The following SLC24A2 variants were observed in gnomAD, a reference collection of about 807,000 sequenced individuals.
SLC24A2 encodes sodium/potassium/calcium exchanger 2.
In SLC24A2, 36 loss-of-function variants were observed where a neutral mutation model predicts 62.0. That is an observed-to-expected ratio of 0.58 (90% CI 0.44 to 0.77). The LOEUF is 0.77. SLC24A2 is among the 30% of genes least tolerant of loss of function. The probability of loss-of-function intolerance (pLI) is 0.00; values close to 1 mark genes in which losing one functional copy is unlikely to be tolerated. For synonymous variants in SLC24A2, 358 were observed against 294.0 expected (o/e 1.22, Z -2.23); for missense variants, 846 against 817.9 (o/e 1.03, Z -0.42).
intron 8 of SLC24A2, among the ~76,000 whole-genome samples, chr9:19,536,619 G>C (rs1434017291): frequency 1.5e-5 from 1 of 68,618 alleles, no homozygotes; most frequent in Admixed American, 1.8e-4. Context: ...CATTTGGGTT[G>C]GTTCCAAGTC....
At chr9:20,062,339 G>A in the SLC24A2 span, among the ~76,000 whole-genome samples, 125 of 150,726 alleles carry the variant, frequency 8.3e-4, no homozygotes, top group Middle Eastern at 6.8e-3. Context: ...ATAATGCCGC[G>A]TATCTACAAC....
At chr9:19,874,330 T>G in the SLC24A2 span, among the ~76,000 whole-genome samples, 1 of 152,154 alleles carries the variant, frequency 6.6e-6, no homozygotes, top group Non-Finnish European at 1.5e-5. Context: ...CTCTGGAAAT[T>G]TATTTCCTCC....
At chr9:20,274,246 G>T in the SLC24A2 span, among the ~76,000 whole-genome samples, 1 of 152,166 alleles carries the variant, frequency 6.6e-6, no homozygotes, top group Admixed American at 6.5e-5. Context: ...CAAAACAGGG[G>T]AGGGGGACCA....
At chr9:20,193,776 A>G in the SLC24A2 span, among the ~76,000 whole-genome samples, 3 of 152,244 alleles carry the variant, frequency 2.0e-5, no homozygotes, top group Non-Finnish European at 4.4e-5. Context: ...ATCTACTGAA[A>G]GTTATTTGTA....
chr9:19,579,382 A>G, intron 5 of SLC24A2, among the ~76,000 whole-genome samples: 1 of 152,218 alleles, frequency 6.6e-6, no homozygotes, highest in East Asian at 1.9e-4. Context: ...AGTGAGCTTG[A>G]GTACTCTGCA....
chr9:19,562,100 G>C (rs756386653), intron 7 of SLC24A2, among the ~76,000 whole-genome samples: 1 of 152,160 alleles, frequency 6.6e-6, no homozygotes, highest in Non-Finnish European at 1.5e-5. Flanking sequence ...ACGATTCTGA[G>C]GTGCAACTTA....
chr9:19,941,352 G>C, the SLC24A2 span, among the ~76,000 whole-genome samples: 1 of 152,128 alleles, frequency 6.6e-6, no homozygotes, highest in African/African-American at 2.4e-5. Flanking sequence ...TTGATGAGCT[G>C]ACTCCAAGCT....
chr9:20,106,108 T>C, the SLC24A2 span, among the ~76,000 whole-genome samples: 1 of 152,264 alleles, frequency 6.6e-6, no homozygotes, highest in Non-Finnish European at 1.5e-5. Context: ...AAGAAATGGA[T>C]AAATTCCTTG....
chr9:19,673,063 G>A (rs560236466), intron 2 of SLC24A2, among the ~76,000 whole-genome samples: 1 of 146,462 alleles, frequency 6.8e-6, no homozygotes, highest in Admixed American at 6.7e-5. Context: ...TTGTTCCAGG[G>A]TATAGTTTAA....
chr9:20,159,524 T>G, the SLC24A2 span, among the ~76,000 whole-genome samples: 1 of 151,648 alleles, frequency 6.6e-6, no homozygotes, highest in Non-Finnish European at 1.5e-5. Flanking sequence ...ATAACAGATT[T>G]GATTGCGGTA....
rs535567692 is a variant in SLC24A2, at chr9:19,585,953, G to A, written c.1130-8931C>T. On this transcript the variant is annotated intron_variant, in intron 5 of 10. Transcript: ENST00000341998. ...TCTTTCCTAGCAGGGTCACCTTATC[G>A]TTAGAAATATGAACGTGCTTTTGTA... Among the ~76,000 whole-genome samples the A allele has an allele frequency of 9.0e-4, 137 of 152,266 alleles. 1 individual carries two copies. The highest frequency in any genetic ancestry group is 3.0e-3 in the African/African-American group (126 of 41,556).
At chr9:19,930,313 T>G in the SLC24A2 span, among the ~76,000 whole-genome samples, 2 of 152,234 alleles carry the variant, frequency 1.3e-5, no homozygotes, top group Admixed American at 1.3e-4. Flanking sequence ...CATTGAGATG[T>G]ATTTAAATAC....
chr9:20,176,174 C>T, the SLC24A2 span, among the ~76,000 whole-genome samples: 1 of 151,992 alleles, frequency 6.6e-6, no homozygotes, highest in African/African-American at 2.4e-5. Flanking sequence ...GCTACGGTTC[C>T]ATGAAGCTCA....
At chr9:20,102,408 T>C in the SLC24A2 span, among the ~76,000 whole-genome samples, 1 of 148,194 alleles carries the variant, frequency 6.7e-6, no homozygotes, top group African/African-American at 2.5e-5. Context: ...AACCACACAC[T>C]GCATGTTCCC....
the SLC24A2 span, among the ~76,000 whole-genome samples, chr9:20,057,457 T>G: frequency 1.3e-5 from 2 of 152,154 alleles, no homozygotes; most frequent in Admixed American, 6.5e-5. Context: ...CAGACACCAG[T>G]TATTTGTGAG....
intron 3 of SLC24A2, 63 bp downstream of exon 3, chr9:19,622,198 C>A: frequency 7.0e-7 from 1 of 1,435,674 alleles, no homozygotes; most frequent in South Asian, 1.1e-5. Context: ...GTCTCACTCC[C>A]ACCCCTGCCC....
chr9:19,695,770 T>C (rs1416993947), intron 2 of SLC24A2, among the ~76,000 whole-genome samples: 1 of 151,878 alleles, frequency 6.6e-6, no homozygotes, highest in African/African-American at 2.4e-5. Flanking sequence ...TTCATATAAT[T>C]TGAATGCCAA....
chr9:20,268,756 G>A, the SLC24A2 span, among the ~76,000 whole-genome samples: 1 of 152,154 alleles, frequency 6.6e-6, no homozygotes, highest in Non-Finnish European at 1.5e-5. Flanking sequence ...AAGGATTCAG[G>A]CATCCTTCCA....
At chr9:19,757,437 C>T (rs1418307435) in intron 2 of SLC24A2, among the ~76,000 whole-genome samples, 1 of 152,112 alleles carries the variant, frequency 6.6e-6, no homozygotes, top group Non-Finnish European at 1.5e-5. Flanking sequence ...TTTCTTTCTC[C>T]TCCTCCTCCT....
Sources: allele counts gnomAD v4.1 joint callset (sites outside exome capture counted in the v4.1 genomes callset), GRCh38; gene constraint gnomAD v4.1.1; transcripts MANE v1.5; gene names NCBI Gene and HGNC (gene_info 2026-07-23, HGNC 2026-07-21).